Variants in INTS6 observed in about 807,000 individuals in gnomAD.
The protein encoded by INTS6 is integrator complex subunit 6.
In INTS6, 16 loss-of-function variants were observed where a neutral mutation model predicts 104.9. The observed-to-expected ratio is 0.15, with a 90% confidence interval of 0.10 to 0.23. The LOEUF is 0.23. Ranked by LOEUF, INTS6 falls within the 10% of genes least tolerant of loss-of-function variation. INTS6 has a pLI of 1.00. For missense variants in INTS6, 584 were observed against 1,062.8 expected (o/e 0.55, Z 6.26); for synonymous variants, 324 against 358.7 (o/e 0.90, Z 1.09).
At chr13:51,347,697 T>G in the INTS6 span, among the ~76,000 whole-genome samples, 1 of 152,224 alleles carries the variant, frequency 6.6e-6, no homozygotes, top group African/African-American at 2.4e-5. Flanking sequence ...CTGCACGCCC[T>G]TCTGAATAGT....
In INTS6 at chr13:51,395,495, G is replaced by C; in HGVS notation, c.430-12C>G. The C allele has an allele frequency of 1.9e-6, 3 of 1,600,720 alleles. No individual in the cohort carries two copies. Among genetic ancestry groups the C allele is most frequent in the Non-Finnish European group, 2.6e-6 (3 of 1,174,958 alleles). ...AGAGGTAAATGAAGCTGAAAGTAGG[G>C]GGGAAAAACAGTAATAAGAATTCCA... On this transcript the variant is annotated splice_polypyrimidine_tract_variant and intron_variant, in intron 4 of 17. Coordinates refer to ENST00000311234, the MANE Select transcript of INTS6 (RefSeq NM_012141.3).
intron 15 of INTS6, among the ~76,000 whole-genome samples, chr13:51,370,253 T>G (rs1055412267): frequency 2.0e-5 from 3 of 152,204 alleles, no homozygotes; most frequent in African/African-American, 7.2e-5. Context: ...TAGAAATTGC[T>G]TTCTCTTGCA....
Position 51,430,324 on chromosome 13 carries a change from C to T in INTS6, c.399G>A (p.Lys133=). 1 of 1,613,496 alleles carries T rather than the reference C, an allele frequency of 6.2e-7. No homozygotes were observed. Among genetic ancestry groups the T allele is most frequent in the Non-Finnish European group, 8.5e-7 (1 of 1,179,796 alleles). ...CCTGGACTCCACTGGTGGTAGTCAA[C>T]TTGCTCCCATCAGTAATTGTGATAA... ...AIIITITDGS[K]LTTTSGVQDE... is the part of the protein sequence containing the mutation. The change falls in exon 4 of 18, where the codon AAG becomes AAA. Residue 133 remains lysine, a synonymous_variant. Transcript: ENST00000311234.
downstream of INTS6, among the ~76,000 whole-genome samples, chr13:51,352,480 T>G (rs1955414726): frequency 6.6e-6 from 1 of 152,026 alleles, no homozygotes; most frequent in Non-Finnish European, 1.5e-5. Context: ...GGTTTTTTTT[T>G]GTGTGTGTGG....
At position 51,376,283 on chromosome 13, in the gene INTS6, A is replaced by T. The variant is rs1955929302; in HGVS notation, c.1603-109T>A. On this transcript the variant is annotated intron_variant, in intron 12 of 17. Transcript: ENST00000311234. Reference sequence around the variant, plus strand: ...TGGAAATAAGATATATAAACTGGTTAGCTTAAAAAAAATAAAATAAAGACA... The same window carrying T: ...TGGAAATAAGATATATAAACTGGTTTGCTTAAAAAAAATAAAATAAAGACA... The T allele has an allele frequency of 7.6e-6, 6 of 791,064 alleles. No homozygotes were observed. In the South Asian group the frequency reaches 1.3e-4, roughly 17 times the overall value. The allele number at this position is 791,064 out of a possible 1,614,324, so 49.0% of individuals were successfully genotyped here.
rs2137844922 is a variant in INTS6 at position 51,365,005 on chromosome 13, G to A, written c.*747C>T. On this transcript the variant is annotated 3_prime_UTR_variant, in exon 18 of 18. Coordinates refer to ENST00000311234, the MANE Select transcript of INTS6 (RefSeq NM_012141.3). ...ATACAAAGTCATTCCCATAATCTAG[G>A]CAGAAATGGGAGTATGTTGGCATGG... is the stretch of plus-strand genomic sequence containing the variant. 1.3e-5 allele frequency: 2 copies of A among 152,614 alleles called. No individual in the cohort carries two copies. The highest frequency in any genetic ancestry group is 3.9e-4 in the East Asian group (2 of 5,176). The allele number at this position is 152,614 out of a possible 1,614,324, so 9.5% of individuals were successfully genotyped here. A position where few individuals can be genotyped will look rare whatever the true frequency, so the allele number is the denominator to read the frequency against.
chr13:51,429,395 C>G (rs1158737100), intron 4 of INTS6, among the ~76,000 whole-genome samples: 1 of 152,004 alleles, frequency 6.6e-6, no homozygotes, highest in Non-Finnish European at 1.5e-5. Context: ...TTAAAAAAAT[C>G]TATTATATTC....
chr13:51,398,099 A>G (rs1055931283), intron 4 of INTS6, among the ~76,000 whole-genome samples: 10 of 152,202 alleles, frequency 6.6e-5, no homozygotes, highest in African/African-American at 2.2e-4. Context: ...CAAAACCAAA[A>G]AAGGGGAAAA....
At chr13:51,395,517 T>C in intron 4 of INTS6, 34 bp from the exon 5 acceptor site, 1 of 1,565,074 alleles carries the variant, frequency 6.4e-7, no homozygotes, top group South Asian at 1.2e-5. Flanking sequence ...TAATAAGAAT[T>C]CCACAGACTA....
rs1438008388 is a variant in INTS6, at chr13:51,452,574, TGGTAG to T, written c.-54_-50del. The T allele has an allele frequency of 6.3e-7, 1 of 1,588,342 alleles. No individual in the cohort carries two copies. The highest frequency in any genetic ancestry group is 8.6e-7 in the Non-Finnish European group (1 of 1,165,834). ...CCCGAGGTGGTGGAGAAAGAGGAGA[TGGTAG>T]AGGTGGAGGCGCCGGTGGCGGCGAC... is the stretch of plus-strand genomic sequence containing the variant. On this transcript the variant is annotated 5_prime_UTR_variant, in exon 1 of 18. Coordinates refer to ENST00000311234, the MANE Select transcript of INTS6 (RefSeq NM_012141.3). This position sits in a 1 kb window ranked among gnomAD's most constrained non-coding sequence, Gnocchi z 4.2.
intron 4 of INTS6, among the ~76,000 whole-genome samples, chr13:51,396,465 T>C (rs1301726039): frequency 6.6e-6 from 1 of 152,212 alleles, no homozygotes; most frequent in South Asian, 2.1e-4. Context: ...TAAATGACTA[T>C]AATGGGCCCT....
At chr13:51,392,228 A>G (rs1208371994) in intron 5 of INTS6, among the ~76,000 whole-genome samples, 1 of 152,248 alleles carries the variant, frequency 6.6e-6, no homozygotes, top group Non-Finnish European at 1.5e-5. Context: ...AAGGCTTCAC[A>G]TCATACTTGG....
chr13:51,449,062 A>T (rs1006977186), intron 3 of INTS6: 1 of 152,250 alleles, frequency 6.6e-6, no homozygotes, highest in Non-Finnish European at 1.5e-5. Flanking sequence ...GATGAAAAAA[A>T]TCTTCTGGAA....
In INTS6 at chr13:51,452,487, A is replaced by G; in HGVS notation, c.39T>C (p.Ser13=). Residue 13 remains serine (S), a synonymous_variant, in exon 1 of 18, where the codon TCT becomes TCC. Transcript: ENST00000311234. This position sits in a 1 kb window ranked among gnomAD's most constrained non-coding sequence, Gnocchi z 4.2. ...TGCCCAGATGGCTGCGCTGGTTCAT[A>G]GAGGCAGACGTGTCTATCAGGAACA... is the stretch of plus-strand genomic sequence containing the variant. ...ILLFLIDTSA[S]MNQRSHLGTT... is the part of the protein sequence containing the mutation. 6.2e-7 allele frequency: 1 copy of G among 1,611,396 alleles called. No homozygotes were observed. The highest frequency in any genetic ancestry group is 8.5e-7 in the Non-Finnish European group (1 of 1,178,396).
chr13:51,443,804 A>G (rs1423591985), intron 3 of INTS6: 1 of 152,222 alleles, frequency 6.6e-6, no homozygotes, highest in Non-Finnish European at 1.5e-5. Flanking sequence ...ATCATTTTAT[A>G]TATTTGAGAA....
chr13:51,400,193 C>T (rs904058698), intron 4 of INTS6, among the ~76,000 whole-genome samples: 2 of 152,216 alleles, frequency 1.3e-5, no homozygotes, highest in South Asian at 4.1e-4. Context: ...CCCATGTCCA[C>T]AGAAGAACTG....
At chr13:51,359,594 T>C (rs1955530634), downstream of INTS6, among the ~76,000 whole-genome samples, 1 of 152,096 alleles carries the variant, frequency 6.6e-6, no homozygotes, top group Admixed American at 6.6e-5. Flanking sequence ...CTGGTCTCAT[T>C]TCTCACACTG....
At chr13:51,377,631 A>T (rs1955961035) in intron 12 of INTS6, among the ~76,000 whole-genome samples, 1 of 152,096 alleles carries the variant, frequency 6.6e-6, no homozygotes, top group Non-Finnish European at 1.5e-5. Context: ...TGTGTGTGTG[A>T]GGGCCTACAT....
At chr13:51,445,957 A>C (rs1440680939) in intron 3 of INTS6, 1 of 152,250 alleles carries the variant, frequency 6.6e-6, no homozygotes, top group Non-Finnish European at 1.5e-5. Context: ...TCTAAACAGA[A>C]GATCTAAAGC....
Sources: allele counts gnomAD v4.1 joint callset (sites outside exome capture counted in the v4.1 genomes callset), GRCh38; gene constraint gnomAD v4.1.1; non-coding constraint Gnocchi (gnomAD v3.1); transcripts MANE v1.5; gene names NCBI Gene and HGNC (gene_info 2026-07-23, HGNC 2026-07-21).